Variants in SLC67A2 observed in about 807,000 individuals in gnomAD.
SLC67A2 encodes the protein solute carrier family 67 member A2.
the SLC67A2 span, among the ~76,000 whole-genome samples, chr2:102,714,979 G>A: frequency 5.7e-4 from 87 of 152,222 alleles, no homozygotes; most frequent in East Asian, 0.016. Flanking sequence ...AGGAAAAGAC[G>A]CCAAGCAACC....
At chr2:102,717,221 G>C in the SLC67A2 span, 1 of 151,752 alleles carries the variant, frequency 6.6e-6, no homozygotes, top group Non-Finnish European at 1.5e-5. Flanking sequence ...TTTTAGTAGA[G>C]ACGGGGTTTC....
chr2:102,732,168 G>C, the SLC67A2 span: 4 of 749,092 alleles, frequency 5.3e-6, no homozygotes, highest in Non-Finnish European at 9.6e-6. Flanking sequence ...ATTTGCTATA[G>C]GGTAATATTT....
chr2:102,715,139 G>A, the SLC67A2 span, among the ~76,000 whole-genome samples: 1 of 152,138 alleles, frequency 6.6e-6, no homozygotes, highest in South Asian at 2.1e-4. Context: ...CTGCCCCAAA[G>A]TCCAGACTAC....
At chr2:102,734,543 C>A in the SLC67A2 span, among the ~76,000 whole-genome samples, 3 of 150,672 alleles carry the variant, frequency 2.0e-5, no homozygotes, top group African/African-American at 7.3e-5. Flanking sequence ...CTAAATATGT[C>A]AAAAAAAAAC....
At chr2:102,732,435 C>T in the SLC67A2 span, 8 of 1,550,924 alleles carry the variant, frequency 5.2e-6, no homozygotes, top group Non-Finnish European at 6.1e-6. Context: ...TGCTGATGGA[C>T]TCAAATTAGT....
At chr2:102,736,449 G>C in the SLC67A2 span, 1 of 1,397,630 alleles carries the variant, frequency 7.2e-7, no homozygotes, top group Non-Finnish European at 9.4e-7. Context: ...AGCGCGAGGG[G>C]CAATAAAGCA....
At chr2:102,727,188 C>G in the SLC67A2 span, among the ~76,000 whole-genome samples, 5 of 149,340 alleles carry the variant, frequency 3.3e-5, no homozygotes, top group Non-Finnish European at 5.9e-5. Flanking sequence ...TTTTTTTTGT[C>G]CAAAAACAAA....
At chr2:102,731,800 C>T in the SLC67A2 span, among the ~76,000 whole-genome samples, 1 of 152,204 alleles carries the variant, frequency 6.6e-6, no homozygotes, top group Non-Finnish European at 1.5e-5. Flanking sequence ...TGTCTCTTGC[C>T]TTTTTGGTAA....
chr2:102,726,658 G>A, the SLC67A2 span, among the ~76,000 whole-genome samples: 1 of 151,592 alleles, frequency 6.6e-6, no homozygotes, highest in East Asian at 1.9e-4. Context: ...ATTTCTGCCT[G>A]TTAGAATTCC....
At chr2:102,718,267 TG>T in the SLC67A2 span, 1 of 837,682 alleles carries the variant, frequency 1.2e-6, no homozygotes, top group Non-Finnish European at 1.9e-6. Context: ...CATGGCTGCA[TG>T]GCCAAGAGCT....
the SLC67A2 span, among the ~76,000 whole-genome samples, chr2:102,735,843 C>CGG: frequency 1.2e-5 from 1 of 81,548 alleles, no homozygotes; most frequent in African/African-American, 5.4e-5. Context: ...GACACGCGCG[C>CGG]GCGCACACAC....
chr2:102,736,845 C>T, the SLC67A2 span: 17 of 1,570,520 alleles, frequency 1.1e-5, no homozygotes, highest in Admixed American at 3.5e-5. Flanking sequence ...GCAGCAGCAG[C>T]CGCGGACCTA....
chr2:102,718,474 A>AG, the SLC67A2 span: 1 of 1,614,104 alleles, frequency 6.2e-7, no homozygotes, highest in Non-Finnish European at 8.5e-7. Flanking sequence ...GCTTGTTTAG[A>AG]GACATTATGA....
At chr2:102,728,896 C>T in the SLC67A2 span, among the ~76,000 whole-genome samples, 2 of 152,202 alleles carry the variant, frequency 1.3e-5, no homozygotes, top group African/African-American at 4.8e-5. Flanking sequence ...CATAACCACC[C>T]TTTGAGGCTG....
chr2:102,736,535 G>C, the SLC67A2 span: 2 of 1,604,124 alleles, frequency 1.2e-6, no homozygotes, highest in Non-Finnish European at 1.7e-6. Context: ...CTCACCAGGC[G>C]GACTGCGGGT....
chr2:102,723,657 A>G, the SLC67A2 span: 3 of 1,553,068 alleles, frequency 1.9e-6, no homozygotes, highest in South Asian at 3.3e-5. Context: ...TAAATTGGTC[A>G]GTATGAATAC....
At chr2:102,732,780 T>A in the SLC67A2 span, among the ~76,000 whole-genome samples, 1 of 152,218 alleles carries the variant, frequency 6.6e-6, no homozygotes, top group Non-Finnish European at 1.5e-5. Flanking sequence ...CGAAAGTGGC[T>A]AATGTCCTAG....
the SLC67A2 span, among the ~76,000 whole-genome samples, chr2:102,715,264 A>G: frequency 6.6e-6 from 1 of 152,198 alleles, no homozygotes; most frequent in Non-Finnish European, 1.5e-5. Context: ...TTCATCCGTC[A>G]ATACAATCTC....
the SLC67A2 span, among the ~76,000 whole-genome samples, chr2:102,726,411 G>A: frequency 6.6e-6 from 1 of 152,172 alleles, no homozygotes; most frequent in African/African-American, 2.4e-5. Flanking sequence ...GCTCTGAGGG[G>A]CAAGGGGCTC....
Sources: gnomAD v4.1 joint callset for allele counts (sites outside exome capture counted in the v4.1 genomes callset) on GRCh38, gnomAD v4.1.1 for gene constraint, MANE v1.5 for transcripts, NCBI Gene and HGNC (gene_info 2026-07-23, HGNC 2026-07-21) for gene names.